PDE11A: variants seen among roughly 807,000 people sequenced by gnomAD.
The protein encoded by PDE11A is dual 3',5'-cyclic-AMP and -GMP phosphodiesterase 11A.
PDE11A carries 100 observed loss-of-function variants against 100.5 expected under a neutral mutation model. The observed-to-expected ratio is 1.00, with a 90% confidence interval of 0.85 to 1.18. The LOEUF is 1.18. Ranked by LOEUF, PDE11A falls within the 50% of genes most tolerant of loss-of-function variation. The probability of loss-of-function intolerance (pLI) is 0.00; values close to 1 mark genes in which losing one functional copy is unlikely to be tolerated. For missense variants in PDE11A, 1,141 were observed against 1,152.6 expected, an observed-to-expected ratio of 0.99 and a Z score of 0.15; for synonymous variants, 381 against 420.8, an observed-to-expected ratio of 0.91 and a Z score of 1.16.
intron 5 of PDE11A, among the ~76,000 whole-genome samples, chr2:177,857,206 T>C (rs1425073465): frequency 6.6e-6 from 1 of 151,914 alleles, no homozygotes; most frequent in Non-Finnish European, 1.5e-5. Context: ...ACTGAAACTA[T>C]ACTTCAAAAA....
chr2:178,086,678 A>C (rs1449145496), intron 2 of PDE11A, among the ~76,000 whole-genome samples: 1 of 152,234 alleles, frequency 6.6e-6, no homozygotes, highest in East Asian at 1.9e-4. Flanking sequence ...TTTTTATTTT[A>C]TATGATTGTT....
At chr2:178,102,342 G>A (rs1163103053) in intron 2 of PDE11A, among the ~76,000 whole-genome samples, 1 of 151,452 alleles carries the variant, frequency 6.6e-6, no homozygotes, top group Non-Finnish European at 1.5e-5. Context: ...GGCCAGGCTG[G>A]TCTTGAACTC....
intron 2 of PDE11A, among the ~76,000 whole-genome samples, chr2:177,992,812 C>G (rs190842052): frequency 5.9e-5 from 9 of 152,292 alleles, no homozygotes; most frequent in Admixed American, 5.9e-4. Flanking sequence ...TATAACCTCA[C>G]CCCTTAGCAT....
chr2:177,871,539 TTATTATTA>T (rs2084134734), intron 5 of PDE11A, among the ~76,000 whole-genome samples: 1 of 107,502 alleles, frequency 9.3e-6, no homozygotes, highest in Non-Finnish European at 1.8e-5. Context: ...ATTATTATTA[TTATTATTA>T]TTATTATTAT....
At chr2:178,024,523 C>A (rs1003640826) in intron 1 of PDE11A, among the ~76,000 whole-genome samples, 1 of 152,222 alleles carries the variant, frequency 6.6e-6, no homozygotes, top group Non-Finnish European at 1.5e-5. Flanking sequence ...TTTCCATACA[C>A]TTTCCCTGAA....
At chr2:177,879,739 T>C (rs1395422550) in intron 4 of PDE11A, among the ~76,000 whole-genome samples, 1 of 152,162 alleles carries the variant, frequency 6.6e-6, no homozygotes, top group Admixed American at 6.5e-5. Flanking sequence ...TAGGAAATAA[T>C]AGCGTTTCAA....
At chr2:177,872,886 C>T (rs1339923440) in intron 5 of PDE11A, among the ~76,000 whole-genome samples, 1 of 152,102 alleles carries the variant, frequency 6.6e-6, no homozygotes, top group East Asian at 1.9e-4. Context: ...CAGATCTACA[C>T]GAGGAGAATT....
intron 1 of PDE11A, chr2:178,105,688 C>T: frequency 1.1e-6 from 1 of 889,480 alleles, no homozygotes; most frequent in South Asian, 2.4e-5. Context: ...AATGAAGGCC[C>T]TGAATGTGGA....
chr2:177,819,012 T>C (rs559266658), intron 7 of PDE11A, among the ~76,000 whole-genome samples: 1 of 152,112 alleles, frequency 6.6e-6, no homozygotes, highest in South Asian at 2.1e-4. Flanking sequence ...CAAACTACGG[T>C]TCTAATTTTG....
At chr2:177,917,071 C>T (rs372878467) in intron 2 of PDE11A, among the ~76,000 whole-genome samples, 6 of 151,952 alleles carry the variant, frequency 3.9e-5, no homozygotes, top group South Asian at 2.1e-4. Context: ...CCACCATGCC[C>T]GGCCAACTTG....
chr2:177,953,839 A>G (rs952421185), intron 2 of PDE11A, among the ~76,000 whole-genome samples: 1 of 152,174 alleles, frequency 6.6e-6, no homozygotes, highest in Non-Finnish European at 1.5e-5. Context: ...ATAAGTGCCC[A>G]GATTGCCAGA....
chr2:177,669,066 CAG>C (rs1218289133), intron 18 of PDE11A, among the ~76,000 whole-genome samples: 1 of 152,094 alleles, frequency 6.6e-6, no homozygotes, highest in African/African-American at 2.4e-5. Context: ...ACAAAAGAAA[CAG>C]AGATTTGAAA....
At position 177,725,944 on chromosome 2, in the gene PDE11A, C is replaced by T. The variant is rs147981325; in HGVS notation, c.2043+1714G>A. On this transcript the variant is annotated intron_variant, in intron 12 of 19. Coordinates refer to ENST00000286063, the MANE Select transcript of PDE11A (RefSeq NM_016953.4). ...TTCCTACTTACTTATTTTGGCAATTCGCATAAATCCATAGGTTTTCCCAAA... is the reference window on the plus strand; with the variant it reads ...TTCCTACTTACTTATTTTGGCAATTTGCATAAATCCATAGGTTTTCCCAAA... Among the ~76,000 whole-genome samples, 145 of 152,216 alleles carry T rather than the reference C, an allele frequency of 9.5e-4. No individual in the cohort carries two copies. The Middle Eastern group carries it at 0.014, about 14-fold the overall frequency.
Position 177,663,939 on chromosome 2 carries a change from T to A in PDE11A, c.2573A>T (p.Asp858Val), listed in dbSNP as rs776906205. 1.9e-6 allele frequency: 3 copies of A among 1,609,540 alleles called. No individual in the cohort carries two copies. Among genetic ancestry groups the A allele is most frequent in the Non-Finnish European group, 2.6e-6 (3 of 1,175,994 alleles). ...AGGCAGTTCATCCTTCCGGTTCCGATCAAAAATTGCCTAGAATGGGGGGCA... is the reference window on the plus strand; with the variant it reads ...AGGCAGTTCATCCTTCCGGTTCCGAACAAAAATTGCCTAGAATGGGGGGCA... Reference protein sequence around the residue: ...ELKLTPSAIFDRNRKDELPRL... With the variant: ...ELKLTPSAIFVRNRKDELPRL... The change falls in exon 19 of 20, where the codon GAT becomes GTT. Residue 858 changes from aspartate (D) to valine (V), a missense_variant. By Grantham distance (152) the Asp-to-Val change is radical. Transcript: ENST00000286063.
intron 19 of PDE11A, among the ~76,000 whole-genome samples, chr2:177,633,276 G>C (rs2079983176): frequency 6.6e-6 from 1 of 152,238 alleles, no homozygotes; most frequent in Non-Finnish European, 1.5e-5. Flanking sequence ...ACTGTGGTTA[G>C]GGAGTAGTCA....
chr2:177,815,671 G>T (rs944745582), intron 9 of PDE11A, among the ~76,000 whole-genome samples: 6 of 152,102 alleles, frequency 3.9e-5, no homozygotes, highest in Non-Finnish European at 8.8e-5. Context: ...TAGAATCCAT[G>T]ATTTAGCCAG....
intron 18 of PDE11A, among the ~76,000 whole-genome samples, chr2:177,666,035 A>G (rs188347900): frequency 6.6e-6 from 1 of 152,320 alleles, no homozygotes; most frequent in African/African-American, 2.4e-5. Flanking sequence ...GAACATTATT[A>G]TCATCCTCAA....
intron 2 of PDE11A, among the ~76,000 whole-genome samples, chr2:178,000,002 C>A (rs2086124236): frequency 6.6e-6 from 1 of 152,110 alleles, no homozygotes; most frequent in African/African-American, 2.4e-5. Context: ...TCATGCCTAC[C>A]TTTGAGACTT....
chr2:177,798,511 T>C (rs905909937), intron 9 of PDE11A, among the ~76,000 whole-genome samples: 1 of 152,232 alleles, frequency 6.6e-6, no homozygotes, highest in Non-Finnish European at 1.5e-5. Context: ...GTTTCAAACA[T>C]ATTTAAATGA....
Sources: gnomAD v4.1 joint callset for allele counts (sites outside exome capture counted in the v4.1 genomes callset) on GRCh38, gnomAD v4.1.1 for gene constraint, MANE v1.5 for transcripts, NCBI Gene and HGNC (gene_info 2026-07-23, HGNC 2026-07-21) for gene names.